Variants in PKP1 observed in about 807,000 individuals in gnomAD.
The protein encoded by PKP1 is plakophilin-1.
A neutral mutation model predicts 76.4 loss-of-function variants in PKP1; 27 were observed. The observed-to-expected ratio is 0.35, with a 90% CI of 0.26 to 0.49. The LOEUF (loss-of-function observed/expected upper bound fraction) is 0.49. PKP1 is among the 20% of genes least tolerant of loss of function. The pLI is 0.99. For missense variants in PKP1, 964 were observed against 955.2 expected, an observed-to-expected ratio of 1.01 and a Z score of -0.12; for synonymous variants, 404 against 384.2, an observed-to-expected ratio of 1.05 and a Z score of -0.60.
At chr1:201,323,224 C>T (rs1657003346) in intron 9 of PKP1, 35 bp downstream of exon 9, 1 of 1,599,960 alleles carries the variant, frequency 6.3e-7, no homozygotes, top group African/African-American at 1.3e-5. Context: ...CTGCAGCAGC[C>T]CCATCCTCCA....
rs758855160 is a variant in PKP1 at position 201,317,714 on chromosome 1, G to C, written c.989G>C (p.Gly330Ala). 1.2e-6 allele frequency: 2 copies of C among 1,613,976 alleles called. No individual in the cohort carries two copies. The change falls in exon 5 of 14, where the codon GGG (glycine) becomes GCG (alanine). Residue 330 changes from glycine to alanine, a missense_variant. Physicochemically the swap from Gly to Ala is moderately conservative, Grantham distance 60. Coordinates refer to ENST00000367324, the MANE Select transcript of PKP1 (RefSeq NM_001005337.3). ...AAGCTGGAGACCCGGAGGCAGAATG[G>C]GATCCGCGAGGCAGTCAGCCTCCTG... ...TNKLETRRQN[G>A]IREAVSLLRR...
chr1:201,329,546 C>T (rs1014010284), intron 13 of PKP1, among the ~76,000 whole-genome samples: 2 of 152,182 alleles, frequency 1.3e-5, no homozygotes, highest in Non-Finnish European at 2.9e-5. Context: ...ATACTCCAGC[C>T]AGATGTCATC....
intron 12 of PKP1, among the ~76,000 whole-genome samples, chr1:201,327,036 G>A (rs3767519): frequency 0.51 from 78,273 of 152,130 alleles, 23,246 homozygotes; most frequent in East Asian, 0.74. Flanking sequence ...CTCTGGAGCC[G>A]TCCAGGAGCA....
chr1:201,292,867 G>A (rs1012869173), intron 1 of PKP1, among the ~76,000 whole-genome samples: 1 of 152,202 alleles, frequency 6.6e-6, no homozygotes, highest in Admixed American at 6.5e-5. Flanking sequence ...TGCTCTTCGT[G>A]GAGCTCCCAG....
rs1657110876 is a variant in PKP1, at chr1:201,325,943, C to T, written c.2106+105C>T. On this transcript the variant is annotated intron_variant, in intron 12 of 13. Transcript: ENST00000367324. ...CTGGGCACTAGAGAAACGCCCCTGCCCTTCGGGACAGTCTGAGAGACAAAG... is the reference window on the plus strand; with the variant it reads ...CTGGGCACTAGAGAAACGCCCCTGCTCTTCGGGACAGTCTGAGAGACAAAG... 5.1e-6 allele frequency: 4 copies of T among 783,188 alleles called. No individual in the cohort carries two copies. The South Asian group carries it at 5.8e-5, about 11-fold the overall frequency. 48.5% of individuals were successfully genotyped at this position (783,188 alleles called of 1,614,324 possible).
chr1:201,316,831 C>A, intron 4 of PKP1, 134 bp downstream of exon 4: 2 of 920,726 alleles, frequency 2.2e-6, no homozygotes, highest in South Asian at 1.5e-5. Flanking sequence ...CAGGAGCCTT[C>A]GCATTGCCCA....
intron 1 of PKP1, among the ~76,000 whole-genome samples, chr1:201,287,247 C>A (rs1162583515): frequency 1.3e-5 from 2 of 152,168 alleles, no homozygotes; most frequent in Non-Finnish European, 2.9e-5. Flanking sequence ...AGGGGAGGTG[C>A]CTGCTCCCTT....
chr1:201,324,888 C>T (rs1032515740), intron 10 of PKP1, 53 bp from the exon 11 acceptor site: 2 of 1,539,192 alleles, frequency 1.3e-6, no homozygotes, highest in South Asian at 2.3e-5. Flanking sequence ...AACCCCTCAG[C>T]CCTTCCTTCC....
At chr1:201,319,144 T>C (rs77784657) in intron 6 of PKP1, among the ~76,000 whole-genome samples, 2,827 of 152,280 alleles carry the variant, frequency 0.019, 74 homozygotes, top group African/African-American at 0.062. Context: ...AGTGTTCTTT[T>C]AGACAAAAGT....
chr1:201,285,781 C>T (rs1346462208), intron 1 of PKP1, among the ~76,000 whole-genome samples: 1 of 152,246 alleles, frequency 6.6e-6, no homozygotes, highest in Non-Finnish European at 1.5e-5. Context: ...AGTGCACTTT[C>T]TGGGCTTGGT....
At chr1:201,305,392 C>G (rs954207588) in intron 2 of PKP1, among the ~76,000 whole-genome samples, 1 of 152,204 alleles carries the variant, frequency 6.6e-6, no homozygotes, top group Non-Finnish European at 1.5e-5. Flanking sequence ...TGGTGTGCAC[C>G]TGTGGTCCCA....
At chr1:201,324,082 G>A (rs1256934139) in intron 9 of PKP1, among the ~76,000 whole-genome samples, 2 of 152,160 alleles carry the variant, frequency 1.3e-5, no homozygotes, top group African/African-American at 4.8e-5. Flanking sequence ...AGATAGCGTG[G>A]GGAGATGTAA....
At chr1:201,307,054 T>G (rs569932318) in intron 2 of PKP1, among the ~76,000 whole-genome samples, 2 of 152,256 alleles carry the variant, frequency 1.3e-5, no homozygotes, top group Admixed American at 6.5e-5. Context: ...TGCTGTGCCT[T>G]CTCTCAGTGG....
chr1:201,318,904 C>T lies in PKP1; in HGVS notation c.1232+109C>T, dbSNP rs2002519. The T allele has an allele frequency of 0.11, 97,969 of 925,360 alleles. 6,529 individuals carry two copies. The highest frequency in any genetic ancestry group is 0.26 in the African/African-American group (15,812 of 61,222). 57.3% of individuals were successfully genotyped at this position (925,360 alleles called of 1,614,324 possible). A position where few individuals can be genotyped will look rare whatever the true frequency, so the allele number is the denominator to read the frequency against. ...GGTGCATAGAACATAACAGACAACC[C>T]GGCACTCCCTCTTATGGGCAGGCTC... is the stretch of plus-strand genomic sequence containing the variant. On this transcript the variant is annotated intron_variant, in intron 6 of 13. Transcript: ENST00000367324.
chr1:201,320,285 T>C lies in PKP1; in HGVS notation c.1251T>C (p.Asp417=), dbSNP rs1307135760. The C allele has an allele frequency of 1.9e-6, 3 of 1,612,272 alleles. No homozygotes were observed. The East Asian group carries it at 6.7e-5, about 36-fold the overall frequency. ...TGCLRNLSSA[D]AGRQTMRNYS... is the part of the protein sequence containing the mutation. ...CCCCCAGGAACCTGAGCTCGGCCGA[T>C]GCAGGCCGCCAGACCATGCGTAACT... Residue 417 remains aspartate, a synonymous_variant, in exon 7 of 14, where the codon GAT becomes GAC. Transcript: ENST00000367324.
chr1:201,310,711 C>T (rs1339147590), intron 2 of PKP1, among the ~76,000 whole-genome samples: 3 of 152,176 alleles, frequency 2.0e-5, no homozygotes, highest in South Asian at 2.1e-4. Context: ...ACCCAGCTGT[C>T]CTCAGGCAGC....
chr1:201,313,897 C>T (rs1024720204), intron 3 of PKP1, among the ~76,000 whole-genome samples: 7 of 152,196 alleles, frequency 4.6e-5, no homozygotes, highest in Admixed American at 4.6e-4. Flanking sequence ...GTTAGAAATG[C>T]TCATTTGGGG....
intron 2 of PKP1, among the ~76,000 whole-genome samples, chr1:201,298,150 A>G (rs1034675157): frequency 2.0e-5 from 3 of 152,156 alleles, no homozygotes; most frequent in African/African-American, 7.2e-5. Context: ...AGGCTGCAGC[A>G]TTTCTGGTGA....
chr1:201,328,370 G>C (rs562520247), intron 12 of PKP1: 1 of 338,344 alleles, frequency 3.0e-6, no homozygotes, highest in South Asian at 2.5e-5. Flanking sequence ...CTCTGCCCAA[G>C]AGCTCTTGTC....
Sources: gnomAD v4.1 joint callset for allele counts (sites outside exome capture counted in the v4.1 genomes callset) on GRCh38, gnomAD v4.1.1 for gene constraint, MANE v1.5 for transcripts, NCBI Gene and HGNC (gene_info 2026-07-23, HGNC 2026-07-21) for gene names.